PM20D2: variants seen among roughly 807,000 people sequenced by gnomAD.
The protein encoded by PM20D2 is peptidase M20 domain containing 2.
A neutral mutation model predicts 42.9 loss-of-function variants in PM20D2; 33 were observed. The ratio of observed to expected loss-of-function variants is 0.77; its 90% CI spans 0.58 to 1.03. The LOEUF (loss-of-function observed/expected upper bound fraction) is 1.03, where lower values mean the gene tolerates loss of function less well. PM20D2 is among the 50% of genes least tolerant of loss of function. The pLI is 0.00. For missense variants in PM20D2, 548 were observed against 557.0 expected (o/e 0.98, Z 0.16); for synonymous variants, 250 against 228.2 (o/e 1.10, Z -0.86).
chr6:89,142,663 AT>A (rs1204238689), upstream of PM20D2, among the ~76,000 whole-genome samples: 1 of 151,278 alleles, frequency 6.6e-6, no homozygotes, highest in East Asian at 2.0e-4. Context: ...TATTATTATT[AT>A]TATTATTTTT....
At chr6:89,138,065 C>CTTTTTTTTTTTTTTTATTTTT in the PM20D2 span, among the ~76,000 whole-genome samples, 1 of 144,758 alleles carries the variant, frequency 6.9e-6, no homozygotes, top group African/African-American at 2.5e-5. Context: ...TTCAAGATTT[C>CTTTTTTTTTTTTTTTATTTTT]TTTTTTTTTT....
the PM20D2 span, among the ~76,000 whole-genome samples, chr6:89,136,326 T>G: frequency 6.6e-6 from 1 of 151,284 alleles, no homozygotes; most frequent in East Asian, 1.9e-4. Context: ...TTCTAATATG[T>G]TAATACGCAA....
At chr6:89,112,455 T>G in the PM20D2 span, among the ~76,000 whole-genome samples, 1 of 150,886 alleles carries the variant, frequency 6.6e-6, no homozygotes, top group Non-Finnish European at 1.5e-5. Flanking sequence ...TTCTTTTTTT[T>G]TTTTTTTTGG....
At position 89,163,786 on chromosome 6, in the gene PM20D2, T is replaced by TAC. The variant is rs1468596952; in HGVS notation, c.*1525_*1526dup. The TAC allele has an allele frequency of 6.6e-6, 1 of 152,232 alleles. No individual in the cohort carries two copies. The highest frequency in any genetic ancestry group is 1.5e-5 in the Non-Finnish European group (1 of 68,036). The allele number at this position is 152,232 out of a possible 1,614,324, so 9.4% of individuals were successfully genotyped here. A position where few individuals can be genotyped will look rare whatever the true frequency, so the allele number is the denominator to read the frequency against. ...CTTTGTTTTTATGGAACATTTTTATTACATGCCTTTATAATTTTTCATTGT... is the reference window on the plus strand; with the variant it reads ...CTTTGTTTTTATGGAACATTTTTATTACACATGCCTTTATAATTTTTCATTGT... On this transcript the variant is annotated 3_prime_UTR_variant, in exon 7 of 7. Transcript: ENST00000275072.
the PM20D2 span, among the ~76,000 whole-genome samples, chr6:89,102,833 C>T: frequency 6.6e-6 from 1 of 152,170 alleles, no homozygotes. Context: ...CTCACTGCAG[C>T]CTTGACCTAC....
At chr6:89,098,832 C>T in the PM20D2 span, 1 of 1,613,944 alleles carries the variant, frequency 6.2e-7, no homozygotes, top group Non-Finnish European at 8.5e-7. Flanking sequence ...CTTGACCGTC[C>T]TCTAGAGCCA....
the PM20D2 span, chr6:89,107,087 T>C: frequency 7.6e-7 from 1 of 1,316,056 alleles, no homozygotes; most frequent in South Asian, 1.2e-5. Context: ...CATATGCTAC[T>C]GAATACATAT....
At chr6:89,136,570 C>T in the PM20D2 span, among the ~76,000 whole-genome samples, 18 of 150,148 alleles carry the variant, frequency 1.2e-4, no homozygotes, top group East Asian at 1.6e-3. Flanking sequence ...CCCAGCTACT[C>T]GGGAGGCTGA....
At chr6:89,128,385 A>T in the PM20D2 span, among the ~76,000 whole-genome samples, 20 of 152,140 alleles carry the variant, frequency 1.3e-4, no homozygotes, top group African/African-American at 4.8e-4. Context: ...CACCCTGGTA[A>T]ATTTGTGGTC....
At chr6:89,149,477 T>G in intron 2 of PM20D2, 64 bp downstream of exon 2, 1 of 1,532,574 alleles carries the variant, frequency 6.5e-7, no homozygotes, top group Non-Finnish European at 8.8e-7. Context: ...CTTTTATGTC[T>G]AAACCAGAGA....
chr6:89,146,158 G>C lies in PM20D2; in HGVS notation c.14G>C (p.Gly5Ala), dbSNP rs2127772273. 4 of 1,506,528 alleles carry C rather than the reference G, an allele frequency of 2.7e-6. No homozygotes were observed. Among genetic ancestry groups the C allele is most frequent in the Non-Finnish European group, 3.5e-6 (4 of 1,134,792 alleles). The allele number at this position is 1,506,528 out of a possible 1,614,324, so 93.3% of individuals were successfully genotyped here. Residue 5 changes from glycine (G) to alanine (A), a missense_variant, in exon 1 of 7, where the codon GGG (glycine) becomes GCG (alanine). Gly to Ala is a moderately conservative substitution (Grantham distance 60, BLOSUM62 0). Coordinates refer to ENST00000275072, the MANE Select transcript of PM20D2 (RefSeq NM_001010853.3). Reference protein sequence around the residue: MRPGGERPVEGGACN... With the variant: MRPGAERPVEGGACN... ...GGCTTGGGCAGCATGAGGCCCGGAG[G>C]GGAGCGGCCCGTGGAAGGGGGCGCG...
the PM20D2 span, among the ~76,000 whole-genome samples, chr6:89,137,920 C>T: frequency 6.6e-6 from 1 of 151,988 alleles, no homozygotes; most frequent in African/African-American, 2.4e-5. Context: ...AGTTTAATAA[C>T]TTTGATTTTT....
upstream of PM20D2, among the ~76,000 whole-genome samples, chr6:89,144,477 T>C (rs1345048078): frequency 6.6e-6 from 1 of 152,208 alleles, no homozygotes; most frequent in Non-Finnish European, 1.5e-5. Context: ...CAATAGACCA[T>C]GGTGGCTGAA....
At chr6:89,160,236 A>G (rs548945241) in intron 5 of PM20D2, among the ~76,000 whole-genome samples, 1 of 152,326 alleles carries the variant, frequency 6.6e-6, no homozygotes, top group East Asian at 1.9e-4. Flanking sequence ...CAGTACTTCT[A>G]TAGAGGCTAC....
the PM20D2 span, among the ~76,000 whole-genome samples, chr6:89,139,534 C>CCTAA: frequency 2.0e-5 from 3 of 152,108 alleles, no homozygotes; most frequent in East Asian, 5.8e-4. Flanking sequence ...TAATTACCTC[C>CCTAA]CTAAAGTCCT....
chr6:89,112,679 T>C, the PM20D2 span, among the ~76,000 whole-genome samples: 28 of 152,178 alleles, frequency 1.8e-4, no homozygotes, highest in Admixed American at 5.9e-4. Flanking sequence ...CCCAAAGCAC[T>C]GGGATTACAA....
the PM20D2 span, chr6:89,105,465 C>A: frequency 6.2e-7 from 1 of 1,610,848 alleles, no homozygotes; most frequent in South Asian, 1.1e-5. Flanking sequence ...TTCAATCTGA[C>A]GGCCACATAC....
At chr6:89,102,891 C>T in the PM20D2 span, among the ~76,000 whole-genome samples, 1 of 152,146 alleles carries the variant, frequency 6.6e-6, no homozygotes, top group Non-Finnish European at 1.5e-5. Context: ...CCCTCCCTCC[C>T]AGTAGCTGGA....
At chr6:89,099,511 T>C in the PM20D2 span, among the ~76,000 whole-genome samples, 1 of 52,650 alleles carries the variant, frequency 1.9e-5, no homozygotes, top group Non-Finnish European at 3.3e-5. Context: ...TGTGTATATA[T>C]ATATACACAC....
Sources: gnomAD v4.1 joint callset for allele counts (sites outside exome capture counted in the v4.1 genomes callset) on GRCh38, gnomAD v4.1.1 for gene constraint, MANE v1.5 for transcripts, NCBI Gene and HGNC (gene_info 2026-07-23, HGNC 2026-07-21) for gene names.